MIS18A: variants seen among roughly 807,000 people sequenced by gnomAD.
MIS18A encodes the protein protein Mis18-alpha.
In MIS18A, 14 loss-of-function variants were observed where a neutral mutation model predicts 25.0. That is an observed-to-expected ratio of 0.56 (90% CI 0.37 to 0.88). MIS18A has a LOEUF of 0.88. MIS18A is among the 40% of genes least tolerant of loss of function. The pLI is 0.00. For missense variants in MIS18A, 292 were observed against 290.8 expected, an observed-to-expected ratio of 1.00 and a Z score of -0.03; for synonymous variants, 134 against 118.6, an observed-to-expected ratio of 1.13 and a Z score of -0.84.
At chr21:32,243,098 TA>T in the MIS18A span, among the ~76,000 whole-genome samples, 4 of 151,998 alleles carry the variant, frequency 2.6e-5, no homozygotes, top group African/African-American at 7.3e-5. Context: ...CACACCTTAT[TA>T]AAAAAAATTC....
At chr21:32,158,893 C>G in the MIS18A span, among the ~76,000 whole-genome samples, 1 of 152,288 alleles carries the variant, frequency 6.6e-6, no homozygotes, top group Non-Finnish European at 1.5e-5. Flanking sequence ...CTGTTTTATC[C>G]TAAATATCTC....
the MIS18A span, among the ~76,000 whole-genome samples, chr21:32,219,275 C>A: frequency 6.6e-6 from 1 of 152,116 alleles, no homozygotes; most frequent in Non-Finnish European, 1.5e-5. Context: ...AACTGAGATA[C>A]CCGGTTCATC....
chr21:32,265,954 A>C (rs1454755170), downstream of MIS18A, among the ~76,000 whole-genome samples: 1 of 152,176 alleles, frequency 6.6e-6, no homozygotes. Context: ...TATCTAGCTC[A>C]GGGATTGTAA....
chr21:32,243,829 C>T, the MIS18A span, among the ~76,000 whole-genome samples: 1 of 152,114 alleles, frequency 6.6e-6, no homozygotes, highest in African/African-American at 2.4e-5. Context: ...ACTAGCCTGG[C>T]TAACATGATG....
the MIS18A span, among the ~76,000 whole-genome samples, chr21:32,244,245 C>T: frequency 7.3e-4 from 111 of 151,770 alleles, 1 homozygote; most frequent in East Asian, 0.017. Context: ...GTGGATTGCG[C>T]GGGGCCAGGG....
chr21:32,275,270 C>G (rs951515063), intron 1 of MIS18A, among the ~76,000 whole-genome samples: 2 of 152,020 alleles, frequency 1.3e-5, no homozygotes, highest in African/African-American at 4.8e-5. Flanking sequence ...CTCCCTTTCC[C>G]TGAAAACCAC....
At chr21:32,241,845 G>A in the MIS18A span, among the ~76,000 whole-genome samples, 1 of 152,180 alleles carries the variant, frequency 6.6e-6, no homozygotes, top group Non-Finnish European at 1.5e-5. Context: ...TTGCTCTCTT[G>A]ACAATTTCAT....
At chr21:32,244,183 C>T in the MIS18A span, among the ~76,000 whole-genome samples, 4 of 152,072 alleles carry the variant, frequency 2.6e-5, no homozygotes, top group African/African-American at 7.2e-5. Context: ...GTATGATTTC[C>T]TTCATATAAT....
the MIS18A span, among the ~76,000 whole-genome samples, chr21:32,254,548 A>T: frequency 6.6e-6 from 1 of 152,196 alleles, no homozygotes; most frequent in African/African-American, 2.4e-5. Context: ...AAAAAAAGTA[A>T]ACTGCTTTAT....
intron 2 of MIS18A, 170 bp from the exon 3 acceptor site, chr21:32,270,699 A>G: frequency 3.2e-6 from 2 of 620,984 alleles, no homozygotes; most frequent in Non-Finnish European, 4.7e-6. Flanking sequence ...TACAATAAAA[A>G]TGTAAAGACA....
the MIS18A span, among the ~76,000 whole-genome samples, chr21:32,167,847 AATAT>A: frequency 2.0e-5 from 3 of 152,182 alleles, no homozygotes; most frequent in Non-Finnish European, 2.9e-5. Context: ...GCCTGAGAAA[AATAT>A]ATATATTATT....
At chr21:32,257,732 C>T in the MIS18A span, among the ~76,000 whole-genome samples, 1 of 152,164 alleles carries the variant, frequency 6.6e-6, no homozygotes, top group East Asian at 1.9e-4. Flanking sequence ...TGTGAAATTG[C>T]TCCAGTTGTT....
the MIS18A span, among the ~76,000 whole-genome samples, chr21:32,165,351 T>G: frequency 6.6e-6 from 1 of 151,150 alleles, no homozygotes; most frequent in African/African-American, 2.4e-5. Flanking sequence ...TTGAGAGACA[T>G]TCCACAAAAT....
chr21:32,265,568 C>A (rs190982965), downstream of MIS18A, among the ~76,000 whole-genome samples: 1 of 152,228 alleles, frequency 6.6e-6, no homozygotes, highest in Non-Finnish European at 1.5e-5. Context: ...TGCCTTCCCG[C>A]GGGGCAGGGC....
In MIS18A at chr21:32,274,900, G is replaced by A. The variant is rs574749929; in HGVS notation, c.335-4C>T. The A allele has an allele frequency of 3.7e-6, 6 of 1,606,518 alleles. No homozygotes were observed. In the African/African-American group the frequency reaches 6.7e-5, roughly 18 times the overall value. ...ACAGAAACATTACAGGAAACACCTA[G>A]AAACAGAGAAAGTAACAATAATTTA... On this transcript the variant is annotated splice_polypyrimidine_tract_variant and splice_region_variant and intron_variant, in intron 1 of 4. Transcript: ENST00000290130.
chr21:32,235,667 C>T, the MIS18A span, among the ~76,000 whole-genome samples: 27 of 152,316 alleles, frequency 1.8e-4, no homozygotes, highest in East Asian at 5.2e-3. Context: ...TATTTAACCA[C>T]TGGCCCCTGC....
chr21:32,188,545 C>T, the MIS18A span, among the ~76,000 whole-genome samples: 16 of 152,156 alleles, frequency 1.1e-4, no homozygotes, highest in African/African-American at 3.1e-4. Context: ...TGACATCAAG[C>T]GCTGGGTGGA....
At chr21:32,195,452 G>T in the MIS18A span, among the ~76,000 whole-genome samples, 1 of 152,300 alleles carries the variant, frequency 6.6e-6, no homozygotes, top group South Asian at 2.1e-4. Context: ...CCCAAGGCAG[G>T]AGCTCTTCTT....
At chr21:32,162,318 C>G in the MIS18A span, among the ~76,000 whole-genome samples, 2 of 152,196 alleles carry the variant, frequency 1.3e-5, no homozygotes, top group African/African-American at 4.8e-5. Context: ...ACTTCCTACT[C>G]CAGGCATGGG....
Sources: allele counts gnomAD v4.1 joint callset (sites outside exome capture counted in the v4.1 genomes callset), GRCh38; gene constraint gnomAD v4.1.1; transcripts MANE v1.5; gene names NCBI Gene and HGNC (gene_info 2026-07-23, HGNC 2026-07-21).